OPHN1: variants seen among roughly 807,000 people sequenced by gnomAD.
OPHN1 encodes the protein oligophrenin 1, also known as oligophrenin-1.
OPHN1 carries 11 observed loss-of-function variants against 60.7 expected under a neutral mutation model. That is an observed-to-expected ratio of 0.18 (90% CI 0.11 to 0.30). OPHN1 has a LOEUF of 0.30. Among genes scored for constraint, OPHN1 ranks in the 10% least tolerant of loss-of-function variants. The pLI is 1.00. For missense variants in OPHN1, 449 were observed against 611.0 expected (o/e 0.73, Z 2.80); for synonymous variants, 226 against 222.6 (o/e 1.02, Z -0.14).
At chrX:68,233,394 T>C (rs2077737653) in intron 6 of OPHN1, among the ~76,000 whole-genome samples, 1 of 112,246 alleles carries the variant, frequency 8.9e-6, no homozygotes. Context: ...TCTCTTTTCA[T>C]ACTTGAATCT....
intron 2 of OPHN1, among the ~76,000 whole-genome samples, chrX:68,363,745 A>G (rs1377600936): frequency 9.0e-6 from 1 of 111,605 alleles, no homozygotes; most frequent in East Asian, 2.8e-4. Flanking sequence ...ATATACTAAA[A>G]CAGTCCGTAT....
At chrX:68,166,247 C>G (rs941743221) in intron 15 of OPHN1, among the ~76,000 whole-genome samples, 37 of 112,239 alleles carry the variant, frequency 3.3e-4, no homozygotes, top group African/African-American at 1.1e-3. Context: ...TAAAAATAAG[C>G]CATTGGCCAG....
chrX:68,209,024 T>C (rs941427660), intron 9 of OPHN1, among the ~76,000 whole-genome samples: 1 of 112,207 alleles, frequency 8.9e-6, no homozygotes, highest in African/African-American at 3.2e-5. Flanking sequence ...CAAAGAAAAG[T>C]GTGATAATTT....
intron 5 of OPHN1, among the ~76,000 whole-genome samples, chrX:68,251,248 G>A (rs1273778798): frequency 5.4e-5 from 5 of 93,127 alleles, no homozygotes; most frequent in African/African-American, 8.5e-5. Context: ...GTACAATGGC[G>A]CAATCTCGGC....
intron 15 of OPHN1, among the ~76,000 whole-genome samples, chrX:68,132,138 T>G (rs994989429): frequency 8.9e-6 from 1 of 111,857 alleles, no homozygotes; most frequent in African/African-American, 3.3e-5. Flanking sequence ...TAGCTCTTAT[T>G]ATTTTGAAAT....
intron 6 of OPHN1, among the ~76,000 whole-genome samples, chrX:68,214,388 T>C (rs2077598669): frequency 9.0e-6 from 1 of 110,979 alleles, no homozygotes; most frequent in African/African-American, 3.3e-5. Flanking sequence ...ACTGAGGGGA[T>C]TACAACAGAA....
chrX:68,133,188 C>T, intron 15 of OPHN1: 1 of 778,529 alleles, frequency 1.3e-6, no homozygotes, highest in South Asian at 2.1e-5. Flanking sequence ...GAAAGTCAAC[C>T]TCACTCCTCA....
chrX:68,186,871 C>G (rs1455441072), intron 15 of OPHN1, among the ~76,000 whole-genome samples: 1 of 111,318 alleles, frequency 9.0e-6, no homozygotes, highest in Non-Finnish European at 1.9e-5. Context: ...TTATTCAACC[C>G]AAATTACTCC....
chrX:68,320,884 C>T (rs2078232256), intron 2 of OPHN1, among the ~76,000 whole-genome samples: 2 of 111,263 alleles, frequency 1.8e-5, no homozygotes, highest in Admixed American at 1.9e-4. Context: ...TCAGGAAACC[C>T]CTTATGTTTA....
chrX:68,239,810 T>C (rs1208776638), intron 5 of OPHN1, among the ~76,000 whole-genome samples: 1 of 61,650 alleles, frequency 1.6e-5, no homozygotes, highest in Admixed American at 3.0e-4. Context: ...TTTTCTTTCC[T>C]TTTCTATTTT....
At chrX:68,107,591 C>A (rs941599071) in intron 18 of OPHN1, among the ~76,000 whole-genome samples, 2 of 111,518 alleles carry the variant, frequency 1.8e-5, no homozygotes, top group African/African-American at 6.5e-5. Context: ...ATTCTCCCAC[C>A]TCAGCCTCCA....
At chrX:68,138,492 A>G (rs1184491812) in intron 15 of OPHN1, among the ~76,000 whole-genome samples, 1 of 112,151 alleles carries the variant, frequency 8.9e-6, no homozygotes, top group African/African-American at 3.2e-5. Context: ...GGGCTGCTAC[A>G]TATGGCCACA....
intron 2 of OPHN1, among the ~76,000 whole-genome samples, chrX:68,329,194 A>C (rs1324086072): frequency 8.9e-6 from 1 of 112,710 alleles, no homozygotes; most frequent in East Asian, 2.8e-4. Flanking sequence ...CAGGGATTAC[A>C]GGTATGAGCC....
intron 15 of OPHN1, among the ~76,000 whole-genome samples, chrX:68,169,738 C>G (rs1234736383): frequency 1.9e-5 from 2 of 107,789 alleles, no homozygotes; most frequent in Admixed American, 1.0e-4. Flanking sequence ...ATGTAGAAAG[C>G]TGAAACTGGA....
intron 2 of OPHN1, among the ~76,000 whole-genome samples, chrX:68,339,556 A>G (rs1302268549): frequency 1.8e-5 from 2 of 112,503 alleles, no homozygotes; most frequent in African/African-American, 6.4e-5. Context: ...GAAGTAATAA[A>G]TAAGTTCATC....
intron 15 of OPHN1, among the ~76,000 whole-genome samples, chrX:68,163,085 A>G (rs1243991015): frequency 9.0e-6 from 1 of 111,269 alleles, no homozygotes; most frequent in Non-Finnish European, 1.9e-5. Flanking sequence ...AGATAAATGT[A>G]CTTGAAAAAC....
chrX:68,432,771 G>T, intron 2 of OPHN1, 96 bp downstream of exon 2: 1 of 994,901 alleles, frequency 1.0e-6, no homozygotes, highest in Non-Finnish European at 1.4e-6. Context: ...TGGGCTGGGA[G>T]TCACCCTGCA....
rs533652558 is a variant in OPHN1, at chrX:68,210,568, A to G, written c.703-286T>C. Among the ~76,000 whole-genome samples, 49 of 112,032 alleles carry G rather than the reference A, an allele frequency of 4.4e-4. No individual in the cohort carries two copies. In the South Asian group the frequency reaches 0.017, roughly 38 times the overall value. On this transcript the variant is annotated intron_variant, in intron 8 of 24. Coordinates refer to ENST00000355520, the MANE Select transcript of OPHN1 (RefSeq NM_002547.3). The stretch of plus-strand genomic sequence containing the variant: ...CACATAAGGCCCTAATAAATAAGCA[A>G]TCTTAGAATTCTGAACATGACTGAT...
At chrX:68,246,649 AG>A (rs1313664203) in intron 5 of OPHN1, among the ~76,000 whole-genome samples, 1 of 111,637 alleles carries the variant, frequency 9.0e-6, no homozygotes, top group Non-Finnish European at 1.9e-5. Context: ...CTCCATCCCT[AG>A]GGCCTAGCAT....
Sources: allele counts gnomAD v4.1 joint callset (sites outside exome capture counted in the v4.1 genomes callset), GRCh38; gene constraint gnomAD v4.1.1; transcripts MANE v1.5; gene names NCBI Gene and HGNC (gene_info 2026-07-23, HGNC 2026-07-21).